The following TPCN1 variants were observed in gnomAD, a reference collection of about 807,000 sequenced individuals.
TPCN1 encodes the protein two pore segment channel 1.
TPCN1 carries 52 observed loss-of-function variants against 108.8 expected under a neutral mutation model. That is an observed-to-expected ratio of 0.48 (90% CI 0.38 to 0.60). The LOEUF is 0.60. Among genes scored for constraint, TPCN1 ranks in the 20% least tolerant of loss-of-function variants. The pLI, the probability that TPCN1 is intolerant of heterozygous loss-of-function variation, is 0.00. For missense variants in TPCN1, 806 were observed against 1,072.8 expected (o/e 0.75, Z 3.47); for synonymous variants, 446 against 433.7 (o/e 1.03, Z -0.35).
chr12:113,261,252 C>T (rs1418231804), intron 3 of TPCN1, among the ~76,000 whole-genome samples: 4 of 151,824 alleles, frequency 2.6e-5, no homozygotes, highest in Admixed American at 1.3e-4. Context: ...AATTTAGATA[C>T]AAAGAGGAAT....
Position 113,221,502 on chromosome 12 carries a change from GCGGCGGCTT to G in TPCN1, c.-241_-233del, listed in dbSNP as rs751971522. On this transcript the variant is annotated 5_prime_UTR_variant, in exon 1 of 28. Coordinates refer to ENST00000335509, the MANE Select transcript of TPCN1 (RefSeq NM_017901.6). ...TGCCCTGGTGGCAGTGGCTGAAGTGGCGGCGGCTTCGGCGGCTGCGGCGGCTGCAACAGC... is the reference window on the plus strand; with the variant it reads ...TGCCCTGGTGGCAGTGGCTGAAGTGGCGGCGGCTGCGGCGGCTGCAACAGC... The G allele has an allele frequency of 3.4e-6, 1 of 291,998 alleles. No homozygotes were observed. Among genetic ancestry groups the G allele is most frequent in the Admixed American group, 4.2e-5 (1 of 23,990 alleles). 18.1% of individuals were successfully genotyped at this position (291,998 alleles called of 1,614,324 possible). A position where few individuals can be genotyped will look rare whatever the true frequency, so the allele number is the denominator to read the frequency against.
At position 113,273,301 on chromosome 12, in the gene TPCN1, G is replaced by T. The variant is rs573352135; in HGVS notation, c.842+11G>T. On this transcript the variant is annotated intron_variant, in intron 9 of 27. Transcript: ENST00000335509. This position sits in a 1 kb window ranked among gnomAD's most constrained non-coding sequence, Gnocchi z 4.0. ...TCTGACCACAGCCAAGTAAGTGCAG[G>T]CTCTGCCTTGCCTTTGGTCCTCTGC... 1.2e-6 allele frequency: 2 copies of T among 1,614,144 alleles called. No homozygotes were observed. Among genetic ancestry groups the T allele is most frequent in the South Asian group, 2.2e-5 (2 of 91,088 alleles).
rs1276832505 is a variant in TPCN1, at chr12:113,241,758, C to CTGTGTG, written c.112+14796_112+14797insTGTGTG. On this transcript the variant is annotated intron_variant, in intron 2 of 27. Transcript: ENST00000335509. The stretch of plus-strand genomic sequence containing the variant: ...GGTAAACAGTGGCGTTTGCGTGCCT[C>CTGTGTG]TGCGTGTGTGTGTGTGTGTGTGTGT... 2.8e-3 allele frequency among the ~76,000 whole-genome samples: 331 copies of CTGTGTG among 119,718 alleles called. 4 individuals carry two copies. The highest frequency in any genetic ancestry group is 0.011 in the African/African-American group (311 of 27,952). 78.5% of individuals were successfully genotyped at this position (119,718 alleles called of 152,430 possible).
At chr12:113,286,861 T>C in intron 18 of TPCN1, 126 bp from the exon 19 acceptor site, 1 of 686,220 alleles carries the variant, frequency 1.5e-6, no homozygotes, top group African/African-American at 1.8e-5. Context: ...CGCAGCCGGC[T>C]GGTTCCTGTT....
intron 2 of TPCN1, among the ~76,000 whole-genome samples, chr12:113,228,276 G>C (rs1221401759): frequency 6.6e-6 from 1 of 152,124 alleles, no homozygotes; most frequent in Non-Finnish European, 1.5e-5. Flanking sequence ...TTCTTCAGCT[G>C]CTCCTCCCTC....
At chr12:113,280,334 T>G (rs1955844867) in intron 15 of TPCN1, 139 bp downstream of exon 15, 2 of 634,610 alleles carry the variant, frequency 3.2e-6, no homozygotes, top group Non-Finnish European at 5.5e-6. Flanking sequence ...TGTATAAAAG[T>G]GAAGAGAACA....
At position 113,298,489 on chromosome 12, in the gene TPCN1, T is replaced by C. The variant is rs904916096; in HGVS notation, c.*2413T>C. On this transcript the variant is annotated 3_prime_UTR_variant, in exon 28 of 28. Coordinates refer to ENST00000335509, the MANE Select transcript of TPCN1 (RefSeq NM_017901.6). ...CATTTTGTACGGATCACGGGAGCAA[T>C]GCTGTACGGTTTTGTACACTGGTGG... 6.6e-6 allele frequency: 1 copy of C among 152,252 alleles called. No homozygotes were observed. Among genetic ancestry groups the C allele is most frequent in the South Asian group, 2.1e-4 (1 of 4,830 alleles). 9.4% of individuals were successfully genotyped at this position (152,252 alleles called of 1,614,324 possible).
chr12:113,234,078 G>A (rs1424966481), intron 2 of TPCN1, among the ~76,000 whole-genome samples: 1 of 152,060 alleles, frequency 6.6e-6, no homozygotes, highest in Non-Finnish European at 1.5e-5. Context: ...CATACCTAGA[G>A]CTCCCTTTCA....
rs1306603889 is a variant in TPCN1 at position 113,232,454 on chromosome 12, G to A, written c.112+5490G>A. ...GGAGGAGTTGGGAGAGATCCTCGCC[G>A]GCTGGCACCAGAGAAGAATACACCC... On this transcript the variant is annotated intron_variant, in intron 2 of 27. Coordinates refer to ENST00000335509, the MANE Select transcript of TPCN1 (RefSeq NM_017901.6). The surrounding 1 kb of genome is among the most constrained non-coding windows in gnomAD (Gnocchi z 5.6). 6.6e-6 allele frequency among the ~76,000 whole-genome samples: 1 copy of A among 152,226 alleles called. No individual in the cohort carries two copies. Among genetic ancestry groups the A allele is most frequent in the Admixed American group, 6.5e-5 (1 of 15,288 alleles).
chr12:113,261,751 T>G (rs1955046723), intron 3 of TPCN1, among the ~76,000 whole-genome samples: 1 of 152,218 alleles, frequency 6.6e-6, no homozygotes, highest in Non-Finnish European at 1.5e-5. Context: ...TTAAATTATA[T>G]CAGGTAAATT....
At chr12:113,237,979 C>T (rs1044683250) in intron 2 of TPCN1, among the ~76,000 whole-genome samples, 3 of 152,142 alleles carry the variant, frequency 2.0e-5, no homozygotes, top group East Asian at 1.9e-4. Flanking sequence ...CTTCTGTTTC[C>T]GGCAGATAAG....
chr12:113,242,013 T>C (rs763213712), intron 2 of TPCN1, among the ~76,000 whole-genome samples: 1 of 152,110 alleles, frequency 6.6e-6, no homozygotes, highest in African/African-American at 2.4e-5. Context: ...GAAGAAGTCA[T>C]GTCCTGCCTC....
rs1216377958 is a variant in TPCN1 at position 113,267,945 on chromosome 12, A to G, written c.517A>G (p.Thr173Ala). 6.2e-7 allele frequency: 1 copy of G among 1,612,670 alleles called. No individual in the cohort carries two copies. The change falls in exon 5 of 28, where the codon ACC becomes GCC. Residue 173 changes from threonine to alanine, a missense_variant. By Grantham distance (58) the Thr-to-Ala change is moderately conservative. Coordinates refer to ENST00000335509, the MANE Select transcript of TPCN1 (RefSeq NM_017901.6). ...GLHTFIRHKR[T>A]MVKTSVLVVQ... ...CCACACCTTCATCCGGCACAAGCGG[A>G]CCATGGTCAAGGTGATGTGTCCGCC... is the stretch of plus-strand genomic sequence containing the variant.
At chr12:113,270,604 C>G (rs1015495889) in intron 7 of TPCN1, among the ~76,000 whole-genome samples, 7 of 152,080 alleles carry the variant, frequency 4.6e-5, no homozygotes, top group African/African-American at 1.4e-4. Context: ...CCTCAGCCTC[C>G]CGAGTAGCTG....
chr12:113,240,467 T>C (rs577073535), intron 2 of TPCN1, among the ~76,000 whole-genome samples: 2 of 152,214 alleles, frequency 1.3e-5, no homozygotes, highest in Non-Finnish European at 2.9e-5. Flanking sequence ...GAGCTTGTTT[T>C]TTCCTAAGTT....
At chr12:113,281,319 C>T (rs975728833) in intron 15 of TPCN1, among the ~76,000 whole-genome samples, 16 of 152,008 alleles carry the variant, frequency 1.1e-4, no homozygotes, top group Non-Finnish European at 2.1e-4. Context: ...GGATTACAGG[C>T]GTGAGCCACG....
At chr12:113,244,148 G>A (rs762232218) in intron 2 of TPCN1, 16 of 255,640 alleles carry the variant, frequency 6.3e-5, no homozygotes, top group Non-Finnish European at 8.6e-5. Flanking sequence ...TCAGGTGGCC[G>A]GAAACAGAGT....
At chr12:113,286,450 A>AGTGGGCCGCGAGGGTGAGCGGGTTAACAC (rs367994579) in intron 18 of TPCN1, among the ~76,000 whole-genome samples, 1 of 152,270 alleles carries the variant, frequency 6.6e-6, no homozygotes, top group Non-Finnish European at 1.5e-5. Context: ...TAACACGCAG[A>AGTGGGCCGCGAGGGTGAGCGGGTTAACAC]GCGGAGTTGG....
chr12:113,293,687 G>A (rs1956341605), intron 27 of TPCN1, among the ~76,000 whole-genome samples: 1 of 152,218 alleles, frequency 6.6e-6, no homozygotes, highest in African/African-American at 2.4e-5. Context: ...AGAGGAAAGA[G>A]CGGCGACCGT....
Sources: gnomAD v4.1 joint callset for allele counts (sites outside exome capture counted in the v4.1 genomes callset) on GRCh38, gnomAD v4.1.1 for gene constraint, Gnocchi (gnomAD v3.1) non-coding constraint, MANE v1.5 for transcripts, NCBI Gene and HGNC (gene_info 2026-07-23, HGNC 2026-07-21) for gene names.